The following HRC variants were observed in gnomAD, a reference collection of about 807,000 sequenced individuals.
The protein encoded by HRC is sarcoplasmic reticulum histidine-rich calcium-binding protein.
HRC carries 41 observed loss-of-function variants against 61.4 expected under a neutral mutation model. That is an observed-to-expected ratio of 0.67 (90% CI 0.52 to 0.87). The LOEUF (loss-of-function observed/expected upper bound fraction) is 0.87. Among genes scored for constraint, HRC ranks in the 40% least tolerant of loss-of-function variants. The pLI, the probability that HRC is intolerant of heterozygous loss-of-function variation, is 0.00. For missense variants in HRC, 839 were observed against 885.8 expected, an observed-to-expected ratio of 0.95 and a Z score of 0.67; for synonymous variants, 308 against 326.6, an observed-to-expected ratio of 0.94 and a Z score of 0.62.
Position 49,151,309 on chromosome 19 carries a change from G to C in HRC, c.2087C>G (p.Thr696Arg). ...LYQALADMLE[T>R]PEP ...CGAGCGACTGGGTCAGGGTTCCGGC[G>C]TTTCCAGCATGTCTGCCAGGGCCCT... The change falls in exon 6 of 6, where the codon ACG becomes AGG. Residue 696 changes from threonine (T) to arginine (R), a missense_variant. Physicochemically the swap from Thr to Arg is moderately conservative, Grantham distance 71. Transcript: ENST00000252825. 1.9e-6 allele frequency: 3 copies of C among 1,558,152 alleles called. No homozygotes were observed. Among genetic ancestry groups the C allele is most frequent in the Non-Finnish European group, 2.6e-6 (3 of 1,149,704 alleles).
At chr19:49,152,129 AC>A in intron 3 of HRC, 71 bp from the exon 4 acceptor site, 1 of 1,426,230 alleles carries the variant, frequency 7.0e-7, no homozygotes, top group Non-Finnish European at 9.9e-7. Context: ...TGGGGCCGGG[AC>A]CAGACCCGGA....
intron 5 of HRC, 55 bp downstream of exon 5, chr19:49,151,462 G>T: frequency 6.3e-7 from 1 of 1,597,552 alleles, no homozygotes; most frequent in Non-Finnish European, 8.6e-7. Context: ...AACTCATAGC[G>T]AGACAAGCAC....
rs1472051579 is a variant in HRC, at chr19:49,155,247, C to T, written c.-10G>A. ...GCCTATGGTGGCCCATGGGGACGGA[C>T]AGGCAGCACTGGCTCCAGCTGCCTC... On this transcript the variant is annotated 5_prime_UTR_variant, in exon 1 of 6. Coordinates refer to ENST00000252825, the MANE Select transcript of HRC (RefSeq NM_002152.3). This position sits in a 1 kb window ranked among gnomAD's most constrained non-coding sequence, Gnocchi z 4.7. 2 of 1,584,178 alleles carry T rather than the reference C, an allele frequency of 1.3e-6. No homozygotes were observed. Among genetic ancestry groups the T allele is most frequent in the South Asian group, 1.1e-5 (1 of 87,804 alleles).
chr19:49,153,164 C>G lies in HRC; in HGVS notation c.1902+97G>C. 1.2e-6 allele frequency: 1 copy of G among 866,280 alleles called. No homozygotes were observed. Among genetic ancestry groups the G allele is most frequent in the South Asian group, 1.4e-5 (1 of 71,480 alleles). 53.7% of individuals were successfully genotyped at this position (866,280 alleles called of 1,614,324 possible). On this transcript the variant is annotated intron_variant, in intron 2 of 5. Transcript: ENST00000252825. The surrounding 1 kb of genome is among the most constrained non-coding windows in gnomAD (Gnocchi z 4.8). ...TCTTTTCTTTCAGAACTGACCCTGG[C>G]CTGCCCTTGCTCTGAGCCCTCCCAC...
intron 4 of HRC, 41 bp from the exon 5 acceptor site, chr19:49,151,594 C>T: frequency 6.2e-7 from 1 of 1,600,304 alleles, no homozygotes; most frequent in Non-Finnish European, 8.6e-7. Context: ...GGGTACTGCA[C>T]GAGCAAAATT....
chr19:49,151,259 G>T lies in HRC; in HGVS notation c.*37C>A. On this transcript the variant is annotated 3_prime_UTR_variant, in exon 6 of 6. Transcript: ENST00000252825. Reference sequence around the variant, plus strand: ...GCTCGTGGAAAGGGGTTGGAAGGCAGGGGGAGGTACACCTGCGTCGCAGTC... The same window carrying T: ...GCTCGTGGAAAGGGGTTGGAAGGCATGGGGAGGTACACCTGCGTCGCAGTC... 2.6e-6 allele frequency: 4 copies of T among 1,517,082 alleles called. No homozygotes were observed. The highest frequency in any genetic ancestry group is 3.6e-6 in the Non-Finnish European group (4 of 1,123,618). 94.0% of individuals were successfully genotyped at this position (1,517,082 alleles called of 1,614,324 possible).
chr19:49,151,655 T>C, intron 4 of HRC, 102 bp from the exon 5 acceptor site: 1 of 1,015,716 alleles, frequency 9.8e-7, no homozygotes, highest in Non-Finnish European at 1.5e-6. Flanking sequence ...CCACCTCCTT[T>C]TCCCTAATTC....
rs139989420 is a variant in HRC at position 49,152,328 on chromosome 19, C to T, written c.1953G>A (p.Glu651=). 20 of 1,613,510 alleles carry T rather than the reference C, an allele frequency of 1.2e-5. No homozygotes were observed. The highest frequency in any genetic ancestry group is 3.3e-5 in the South Asian group (3 of 91,050). The stretch of plus-strand genomic sequence containing the variant: ...GTCTCACCTGGCACTGGTCGCAGTG[C>T]TCACCCATGTTCTCCTCATCACAGT... ...SCHCDEENMG[E]HCDQCQHCQF... The change falls in exon 3 of 6, where the codon GAG becomes GAA. Residue 651 remains glutamate, a synonymous_variant. Coordinates refer to ENST00000252825, the MANE Select transcript of HRC (RefSeq NM_002152.3).
At position 49,155,064 on chromosome 19, in the gene HRC, G is replaced by A. The variant is rs762750640; in HGVS notation, c.174C>T (p.Arg58=). 2 of 1,614,212 alleles carry A rather than the reference G, an allele frequency of 1.2e-6. No homozygotes were observed. The highest frequency in any genetic ancestry group is 4.5e-5 in the East Asian group (2 of 44,882). ...GLSEEASAEL[R]HHLHSPRDHP... is the part of the protein sequence containing the mutation. Reference sequence around the variant, plus strand: ...GGTCTCTAGGGCTGTGGAGGTGGTGGCGAAGCTCTGCTGATGCCTCCTCGG... The same window carrying A: ...GGTCTCTAGGGCTGTGGAGGTGGTGACGAAGCTCTGCTGATGCCTCCTCGG... The change falls in exon 1 of 6, where the codon CGC becomes CGT. Residue 58 remains arginine (R), a synonymous_variant. Coordinates refer to ENST00000252825, the MANE Select transcript of HRC (RefSeq NM_002152.3). The surrounding 1 kb of genome is among the most constrained non-coding windows in gnomAD (Gnocchi z 4.7).
chr19:49,152,383 G>A lies in HRC; in HGVS notation c.1903-5C>T, dbSNP rs373034881. 1.2e-6 allele frequency: 2 copies of A among 1,612,978 alleles called. No homozygotes were observed. Among genetic ancestry groups the A allele is most frequent in the Non-Finnish European group, 1.7e-6 (2 of 1,179,594 alleles). ...GCTCTCACATTCAGTGCATCGCTGG[G>A]GACCGGGGGAGCCTGGTTAGATGGA... is the stretch of plus-strand genomic sequence containing the variant. On this transcript the variant is annotated splice_polypyrimidine_tract_variant and splice_region_variant and intron_variant, in intron 2 of 5. Coordinates refer to ENST00000252825, the MANE Select transcript of HRC (RefSeq NM_002152.3).
At chr19:49,152,884 T>G (rs1400373546) in intron 2 of HRC, among the ~76,000 whole-genome samples, 1 of 152,064 alleles carries the variant, frequency 6.6e-6, no homozygotes, top group African/African-American at 2.4e-5. Context: ...CCCCTGGTTT[T>G]CTATCTCAGG....
Position 49,154,473 on chromosome 19 carries a change from A to ATCATCATCATCATCATCATCATCATCG in HRC, c.764_765insCGATGATGATGATGATGATGATGATGA (p.Asp253_Asp261dup), listed in dbSNP as rs2041398859. ...TGGAGACATCATCATCATCATCATC[A>ATCATCATCATCATCATCATCATCATCG]TCATCATCATCATCATCATCATCGT... On this transcript the variant is annotated inframe_insertion, in exon 1 of 6. Coordinates refer to ENST00000252825, the MANE Select transcript of HRC (RefSeq NM_002152.3). The ATCATCATCATCATCATCATCATCATCG allele has an allele frequency of 6.3e-7, 1 of 1,575,054 alleles. No homozygotes were observed. Among genetic ancestry groups the ATCATCATCATCATCATCATCATCATCG allele is most frequent in the African/African-American group, 1.4e-5 (1 of 69,312 alleles).
At position 49,151,351 on chromosome 19, in the gene HRC, G is replaced by C; in HGVS notation, c.2064-19C>G. ...CAGGGCCCTGGAGACGAGAACGCCAGAAGTTAGACAGCTGGTGTTCAAAGC... is the reference window on the plus strand; with the variant it reads ...CAGGGCCCTGGAGACGAGAACGCCACAAGTTAGACAGCTGGTGTTCAAAGC... On this transcript the variant is annotated intron_variant, in intron 5 of 5. Coordinates refer to ENST00000252825, the MANE Select transcript of HRC (RefSeq NM_002152.3). The C allele has an allele frequency of 6.4e-7, 1 of 1,556,534 alleles. No homozygotes were observed. Among genetic ancestry groups the C allele is most frequent in the Non-Finnish European group, 8.7e-7 (1 of 1,147,674 alleles).
Position 49,154,166 on chromosome 19 carries a change from A to T in HRC, c.1072T>A (p.Ser358Thr). The change falls in exon 1 of 6, where the codon TCC becomes ACC. Residue 358 changes from serine to threonine, a missense_variant. By Grantham distance (58) the Ser-to-Thr change is moderately conservative. Coordinates refer to ENST00000252825, the MANE Select transcript of HRC (RefSeq NM_002152.3). The part of the protein sequence containing the change: ...HRDEEEDEDV[S>T]TERWHQGPQH... ...GGACCCTGGTGCCAACGTTCAGTGG[A>T]CACATCCTCATCTTCTTCCTCGTCT... 1 of 1,613,732 alleles carries T rather than the reference A, an allele frequency of 6.2e-7. No individual in the cohort carries two copies. Among genetic ancestry groups the T allele is most frequent in the South Asian group, 1.1e-5 (1 of 91,044 alleles).
In HRC at chr19:49,153,594, G is replaced by A. The variant is rs148687983; in HGVS notation, c.1644C>T (p.Asp548=). The change falls in exon 1 of 6, where the codon GAC becomes GAT. Residue 548 remains aspartate (D), a synonymous_variant. Coordinates refer to ENST00000252825, the MANE Select transcript of HRC (RefSeq NM_002152.3). This position sits in a 1 kb window ranked among gnomAD's most constrained non-coding sequence, Gnocchi z 4.8. ...CAGCCCTCTCTTCCCTCCTCTCCTC[G>A]TCTTCTTCCTCCTCCTCCTCCTCCT... The part of the protein sequence containing the change: ...EDKEEEEEEE[D]EERREERAEV... 261 of 1,526,974 alleles carry A rather than the reference G, an allele frequency of 1.7e-4. 2 individuals are homozygous for A. The East Asian group carries it at 5.2e-3, about 31-fold the overall frequency. 94.6% of individuals were successfully genotyped at this position (1,526,974 alleles called of 1,614,324 possible). A position where few individuals can be genotyped will look rare whatever the true frequency, so the allele number is the denominator to read the frequency against.
chr19:49,152,596 GTC>G lies in HRC; in HGVS notation c.1903-220_1903-219del, dbSNP rs558584626. ...TTTTCCTTTTTTTTCTTGAGGCGGA[GTC>G]TCTCTCTGTCGCCCAGGCTGGAGTG... On this transcript the variant is annotated intron_variant, in intron 2 of 5. Coordinates refer to ENST00000252825, the MANE Select transcript of HRC (RefSeq NM_002152.3). Among the ~76,000 whole-genome samples, 13 of 149,020 alleles carry G rather than the reference GTC, an allele frequency of 8.7e-5. 1 individual carries two copies. The South Asian group carries it at 2.3e-3, about 27-fold the overall frequency.
chr19:49,151,424 G>A lies in HRC; in HGVS notation c.2064-92C>T, dbSNP rs907754711. 8.9e-6 allele frequency: 14 copies of A among 1,572,056 alleles called. No homozygotes were observed. In the Admixed American group the frequency reaches 1.9e-4, roughly 22 times the overall value. ...CATTAACCTGCCCATTTCATGGACG[G>A]GGAAATGGAGTCCCAGAGTCATCTG... is the stretch of plus-strand genomic sequence containing the variant. On this transcript the variant is annotated intron_variant, in intron 5 of 5. Coordinates refer to ENST00000252825, the MANE Select transcript of HRC (RefSeq NM_002152.3).
intron 3 of HRC, 43 bp from the exon 4 acceptor site, chr19:49,152,101 C>T (rs1352181337): frequency 5.1e-6 from 8 of 1,580,902 alleles, no homozygotes; most frequent in Non-Finnish European, 7.0e-6. Context: ...TGGGGCGTGG[C>T]CGGGGGCGGA....
At chr19:49,151,836 T>A (rs1568444390) in intron 4 of HRC, 168 bp downstream of exon 4, 2 of 690,688 alleles carry the variant, frequency 2.9e-6, no homozygotes, top group South Asian at 3.6e-5. Context: ...CAACTCCACC[T>A]GGTGTTCCTC....
Sources: allele counts gnomAD v4.1 joint callset (sites outside exome capture counted in the v4.1 genomes callset), GRCh38; gene constraint gnomAD v4.1.1; non-coding constraint Gnocchi (gnomAD v3.1); transcripts MANE v1.5; gene names NCBI Gene and HGNC (gene_info 2026-07-23, HGNC 2026-07-21).